Variants in LIMS1 observed in about 807,000 individuals in gnomAD.
The protein encoded by LIMS1 is LIM zinc finger domain containing 1.
LIMS1 carries 18 observed loss-of-function variants against 44.1 expected under a neutral mutation model. The ratio of observed to expected loss-of-function variants is 0.41; its 90% CI spans 0.28 to 0.61. The LOEUF (loss-of-function observed/expected upper bound fraction) is 0.61. LIMS1 is among the 20% of genes least tolerant of loss of function. The pLI, the probability that LIMS1 is intolerant of heterozygous loss-of-function variation, is 0.32. For missense variants in LIMS1, 201 were observed against 422.0 expected (o/e 0.48, Z 4.59); for synonymous variants, 93 against 149.1 (o/e 0.62, Z 2.74).
chr2:108,629,136 T>G (rs1233677059), intron 1 of LIMS1, among the ~76,000 whole-genome samples: 1 of 152,210 alleles, frequency 6.6e-6, no homozygotes, highest in African/African-American at 2.4e-5. Context: ...GTACATTTTA[T>G]TGTCAGAATT....
At chr2:108,664,729 G>T (rs913010667) in intron 2 of LIMS1, among the ~76,000 whole-genome samples, 1 of 152,004 alleles carries the variant, frequency 6.6e-6, no homozygotes, top group African/African-American at 2.4e-5. Flanking sequence ...TCTACACACT[G>T]TAGAAAAGAG....
intron 8 of LIMS1, among the ~76,000 whole-genome samples, chr2:108,680,365 CAAAAAA>C (rs35982119): frequency 2.3e-4 from 16 of 68,212 alleles, no homozygotes; most frequent in Non-Finnish European, 3.0e-4. Context: ...GATTCCGTCT[CAAAAAA>C]AAAAAAAAAA....
rs1170282250 is a variant in LIMS1 at position 108,642,385 on chromosome 2, A to C, written c.33-17220A>C. 3.0e-5 allele frequency among the ~76,000 whole-genome samples: 3 copies of C among 100,496 alleles called. No individual in the cohort carries two copies. In the East Asian group the frequency reaches 9.5e-4, roughly 32 times the overall value. 65.9% of individuals were successfully genotyped at this position (100,496 alleles called of 152,430 possible). On this transcript the variant is annotated intron_variant, in intron 1 of 9. Coordinates refer to ENST00000544547, the Ensembl canonical transcript of LIMS1. ...TTTTTGTTTTTTTTTTTTGAGACGG[A>C]GTCTCGCTCTGTCGCCCAGGCTGGA...
At chr2:108,679,233 C>CT (rs1212773121) in intron 8 of LIMS1, among the ~76,000 whole-genome samples, 1 of 151,348 alleles carries the variant, frequency 6.6e-6, no homozygotes, top group Non-Finnish European at 1.5e-5. Context: ...GATCCCAACA[C>CT]TTTGGGAGGC....
exon 10 of LIMS1, chr2:108,684,017 T>C: frequency 2.3e-6 from 3 of 1,295,484 alleles, no homozygotes; most frequent in Non-Finnish European, 3.3e-6. Context: ...TATTTTTTCT[T>C]TTCTATGCAA....
At chr2:108,630,267 A>T (rs1459218280) in intron 1 of LIMS1, among the ~76,000 whole-genome samples, 3 of 152,112 alleles carry the variant, frequency 2.0e-5, no homozygotes, top group African/African-American at 7.2e-5. Flanking sequence ...TTGTGATTTT[A>T]AAAACAGTGA....
chr2:108,550,459 A>G (rs886251564), intron 1 of LIMS1, among the ~76,000 whole-genome samples: 1 of 151,596 alleles, frequency 6.6e-6, no homozygotes, highest in African/African-American at 2.4e-5. Flanking sequence ...AGATCACGCC[A>G]CTGCACTCCA....
At chr2:108,671,325 C>G (rs932416553) in intron 3 of LIMS1, among the ~76,000 whole-genome samples, 1 of 152,068 alleles carries the variant, frequency 6.6e-6, no homozygotes, top group African/African-American at 2.4e-5. Flanking sequence ...GGAGGAGTAT[C>G]AAAACCTAGA....
chr2:108,622,429 A>G (rs1688299177), intron 1 of LIMS1, among the ~76,000 whole-genome samples: 1 of 152,214 alleles, frequency 6.6e-6, no homozygotes, highest in African/African-American at 2.4e-5. Context: ...TGTCACAGAC[A>G]GCTATACTAC....
intron 1 of LIMS1, among the ~76,000 whole-genome samples, chr2:108,589,587 G>T (rs986588730): frequency 5.3e-5 from 8 of 152,044 alleles, no homozygotes; most frequent in Non-Finnish European, 7.4e-5. Flanking sequence ...AGTTCCATGA[G>T]GTGTAATATT....
At chr2:108,645,444 G>A (rs996024826) in intron 1 of LIMS1, among the ~76,000 whole-genome samples, 3 of 152,180 alleles carry the variant, frequency 2.0e-5, no homozygotes, top group African/African-American at 7.2e-5. Flanking sequence ...AGGAAATGCT[G>A]AGACAGTTTG....
intron 1 of LIMS1, among the ~76,000 whole-genome samples, chr2:108,597,693 C>CTTTTTTT (rs10693112): frequency 1.8e-5 from 2 of 108,524 alleles, no homozygotes; most frequent in South Asian, 3.4e-4. Flanking sequence ...AGCAAAAATG[C>CTTTTTTT]TTTTTTTTTT....
chr2:108,674,137 C>T (rs1275577614), intron 5 of LIMS1, among the ~76,000 whole-genome samples: 3 of 151,484 alleles, frequency 2.0e-5, no homozygotes, highest in Non-Finnish European at 4.4e-5. Flanking sequence ...ACCATCCTGG[C>T]TAACACGGTG....
At position 108,534,464 on chromosome 2, in the gene LIMS1, C is replaced by G. The variant is rs1476985523; in HGVS notation, c.-99C>G. ...GCCTTCCTCCCCTTCCTGCTCCGGG[C>G]CCGCCAGTAGCCGGCCGCGGCGGCG... is the stretch of plus-strand genomic sequence containing the variant. On this transcript the variant is annotated 5_prime_UTR_variant, in exon 1 of 10. Transcript: ENST00000544547. 5.3e-5 allele frequency: 53 copies of G among 990,760 alleles called. No individual in the cohort carries two copies. The highest frequency in any genetic ancestry group is 4.2e-4 in the Middle Eastern group (1 of 2,374). 61.4% of individuals were successfully genotyped at this position (990,760 alleles called of 1,614,324 possible). A position where few individuals can be genotyped will look rare whatever the true frequency, so the allele number is the denominator to read the frequency against.
chr2:108,536,097 A>G (rs1367763025), intron 1 of LIMS1, among the ~76,000 whole-genome samples: 1 of 152,252 alleles, frequency 6.6e-6, no homozygotes, highest in Non-Finnish European at 1.5e-5. Flanking sequence ...ATGTAGTGTA[A>G]TAAAGGAGAT....
chr2:108,650,592 G>A (rs1175714456), intron 1 of LIMS1, among the ~76,000 whole-genome samples: 1 of 151,786 alleles, frequency 6.6e-6, no homozygotes, highest in Non-Finnish European at 1.5e-5. Flanking sequence ...AATGTTTTGT[G>A]TTTTTAGTAG....
intron 1 of LIMS1, among the ~76,000 whole-genome samples, chr2:108,560,253 T>G (rs1685067248): frequency 6.6e-6 from 1 of 152,164 alleles, no homozygotes; most frequent in Non-Finnish European, 1.5e-5. Flanking sequence ...GCAGCCAAAG[T>G]GATCTTGTTA....
chr2:108,684,263 T>A (rs1693192708), exon 10 of LIMS1: 1 of 181,454 alleles, frequency 5.5e-6, no homozygotes, highest in Non-Finnish European at 1.1e-5. Flanking sequence ...GGTTAAATGT[T>A]AAATTTTAAT....
chr2:108,646,698 T>C (rs1348407897), intron 1 of LIMS1, among the ~76,000 whole-genome samples: 1 of 152,084 alleles, frequency 6.6e-6, no homozygotes, highest in Non-Finnish European at 1.5e-5. Context: ...AGCTGGGGTT[T>C]TGTTTTGTTT....
Sources: allele counts gnomAD v4.1 joint callset (sites outside exome capture counted in the v4.1 genomes callset), GRCh38; gene constraint gnomAD v4.1.1; transcripts MANE v1.5; gene names NCBI Gene and HGNC (gene_info 2026-07-23, HGNC 2026-07-21).